The following SNX16 variants were observed in gnomAD, a reference collection of about 807,000 sequenced individuals.
SNX16 encodes sorting nexin 16, also known as sorting nexin-16.
Under a neutral mutation model 36.7 loss-of-function variants are expected in SNX16, and 35 were observed. The observed-to-expected ratio is 0.95, with a 90% confidence interval of 0.73 to 1.27. The LOEUF (loss-of-function observed/expected upper bound fraction) is 1.27, where lower values mean the gene tolerates loss of function less well. Among genes scored for constraint, SNX16 ranks in the 50% most tolerant of loss-of-function variants. SNX16 has a pLI of 0.00. For synonymous variants in SNX16, 134 were observed against 132.0 expected (o/e 1.02, Z -0.10); for missense variants, 367 against 393.6 (o/e 0.93, Z 0.57).
rs750614506 is a variant in SNX16 at position 81,839,838 on chromosome 8, C to A, written c.149G>T (p.Gly50Val). Reference protein sequence around the residue: ...SKGQLEDSNMGNFKQTSVPDQ... With the variant: ...SKGQLEDSNMVNFKQTSVPDQ... ...AGGAACACTTGTCTGTTTAAAATTA[C>A]CCATATTTGAGTCTTCTAACTGGCC... Residue 50 changes from glycine to valine, a missense_variant, in exon 2 of 8, where the codon GGT becomes GTT. Coordinates refer to ENST00000345957, the MANE Select transcript of SNX16 (RefSeq NM_152836.3). 2.5e-6 allele frequency: 4 copies of A among 1,613,960 alleles called. No individual in the cohort carries two copies. Among genetic ancestry groups the A allele is most frequent in the South Asian group, 2.2e-5 (2 of 91,078 alleles).
rs914419285 is a variant in SNX16, at chr8:81,800,821, T to A, written c.*676A>T. 4 of 152,266 alleles carry A rather than the reference T, an allele frequency of 2.6e-5. No homozygotes were observed. Among genetic ancestry groups the A allele is most frequent in the African/African-American group, 9.7e-5 (4 of 41,438 alleles). The allele number at this position is 152,266 out of a possible 1,614,324, so 9.4% of individuals were successfully genotyped here. Reference sequence around the variant, plus strand: ...TAAACAAATGTAACATATTAATAACTGTGACACTTATTAAAGTATTTTGAT... The same window carrying A: ...TAAACAAATGTAACATATTAATAACAGTGACACTTATTAAAGTATTTTGAT... On this transcript the variant is annotated 3_prime_UTR_variant, in exon 8 of 8. Transcript: ENST00000345957.
At chr8:81,821,942 T>C (rs1810765025) in intron 4 of SNX16, among the ~76,000 whole-genome samples, 1 of 152,158 alleles carries the variant, frequency 6.6e-6, no homozygotes, top group African/African-American at 2.4e-5. Flanking sequence ...AATTAGCCTT[T>C]CTCAACTGAG....
intron 2 of SNX16, among the ~76,000 whole-genome samples, chr8:81,831,611 T>C (rs951644394): frequency 3.3e-5 from 5 of 150,924 alleles, no homozygotes; most frequent in African/African-American, 7.3e-5. Flanking sequence ...GATGGGAGAA[T>C]TGCTTGAACC....
At chr8:81,833,116 T>A (rs1811340719) in intron 2 of SNX16, among the ~76,000 whole-genome samples, 1 of 151,832 alleles carries the variant, frequency 6.6e-6, no homozygotes, top group Admixed American at 6.6e-5. Context: ...AAAATGATAA[T>A]ATTTTGGACA....
At chr8:81,808,240 G>GACTC in intron 5 of SNX16, 1 of 1,224,290 alleles carries the variant, frequency 8.2e-7, no homozygotes, top group East Asian at 2.3e-5. Context: ...TCACGACCAT[G>GACTC]ACTCCATGGA....
At chr8:81,831,920 T>C (rs973037907) in intron 2 of SNX16, among the ~76,000 whole-genome samples, 3 of 152,104 alleles carry the variant, frequency 2.0e-5, no homozygotes, top group Non-Finnish European at 4.4e-5. Context: ...TGACAGATGC[T>C]GGTGATGTTA....
chr8:81,813,678 T>C (rs115643658), intron 5 of SNX16, among the ~76,000 whole-genome samples: 1,588 of 152,030 alleles, frequency 0.01, 28 homozygotes, highest in African/African-American at 0.036. Flanking sequence ...CTACAAATTG[T>C]ATCTCTGATA....
Position 81,799,843 on chromosome 8 carries a change from C to T in SNX16, c.*1654G>A, listed in dbSNP as rs906669143. ...CTGTTATATAAGATACAGAATGGTA[C>T]TGATTAAATGATTGTTCTTTTTAAG... On this transcript the variant is annotated 3_prime_UTR_variant, in exon 8 of 8. Transcript: ENST00000345957. 1 of 151,742 alleles carries T rather than the reference C, an allele frequency of 6.6e-6. No homozygotes were observed. Among genetic ancestry groups the T allele is most frequent in the Non-Finnish European group, 1.5e-5 (1 of 67,784 alleles). 9.4% of individuals were successfully genotyped at this position (151,742 alleles called of 1,614,324 possible).
At chr8:81,826,275 C>A (rs899618565) in intron 3 of SNX16, among the ~76,000 whole-genome samples, 2 of 152,060 alleles carry the variant, frequency 1.3e-5, no homozygotes, top group African/African-American at 4.8e-5. Context: ...AACTGAACTT[C>A]TTTTTAATGT....
intron 5 of SNX16, among the ~76,000 whole-genome samples, chr8:81,806,968 T>A (rs567382821): frequency 2.9e-3 from 437 of 151,968 alleles, no homozygotes; most frequent in South Asian, 4.0e-3. Context: ...AAACCCTCCA[T>A]ATGCAAAGAT....
At chr8:81,813,374 T>TA (rs944743203) in intron 5 of SNX16, among the ~76,000 whole-genome samples, 17 of 149,848 alleles carry the variant, frequency 1.1e-4, no homozygotes, top group African/African-American at 4.2e-4. Context: ...CAAAACGAAC[T>TA]AAAAAAAAAT....
chr8:81,803,593 A>C (rs1304230868), intron 5 of SNX16, among the ~76,000 whole-genome samples: 1 of 152,006 alleles, frequency 6.6e-6, no homozygotes, highest in Non-Finnish European at 1.5e-5. Flanking sequence ...CTAGTCATAC[A>C]TGATTACACT....
chr8:81,816,598 G>A (rs1000256582), intron 4 of SNX16, among the ~76,000 whole-genome samples: 1 of 152,112 alleles, frequency 6.6e-6, no homozygotes, highest in African/African-American at 2.4e-5. Flanking sequence ...ATGTCAGGAG[G>A]TGTCCATGAA....
chr8:81,816,635 A>T (rs1370920832), intron 4 of SNX16, among the ~76,000 whole-genome samples: 1 of 152,198 alleles, frequency 6.6e-6, no homozygotes, highest in Non-Finnish European at 1.5e-5. Flanking sequence ...TACATATCTT[A>T]TTGTATTTAA....
intron 1 of SNX16, chr8:81,841,581 C>G (rs1334285606): frequency 6.6e-6 from 1 of 151,832 alleles, no homozygotes; most frequent in South Asian, 2.1e-4. Context: ...CAATACATAT[C>G]AACACAACCA....
At chr8:81,817,980 A>G (rs1810567375) in intron 4 of SNX16, among the ~76,000 whole-genome samples, 2 of 152,152 alleles carry the variant, frequency 1.3e-5, no homozygotes, top group South Asian at 4.1e-4. Flanking sequence ...CTAAAGGCAG[A>G]TAAGGAAATC....
intron 5 of SNX16, among the ~76,000 whole-genome samples, chr8:81,804,838 C>G (rs1329629126): frequency 6.6e-6 from 1 of 151,938 alleles, no homozygotes; most frequent in Non-Finnish European, 1.5e-5. Flanking sequence ...TTATTAGGCA[C>G]AAAGAGTCTC....
chr8:81,839,563 T>TGTTGTAAAACTGGA, intron 2 of SNX16, 49 bp downstream of exon 2: 1 of 1,506,196 alleles, frequency 6.6e-7, no homozygotes, highest in Non-Finnish European at 8.9e-7. Flanking sequence ...ACACAGAGAT[T>TGTTGTAAAACTGGA]AGCCAATCTT....
rs544765483 is a variant in SNX16, at chr8:81,806,471, C to T, written c.682-3243G>A. 1.4e-4 allele frequency among the ~76,000 whole-genome samples: 21 copies of T among 152,186 alleles called. 1 individual carries two copies. In the East Asian group the frequency reaches 4.1e-3, roughly 29 times the overall value. On this transcript the variant is annotated intron_variant, in intron 5 of 7. Coordinates refer to ENST00000345957, the MANE Select transcript of SNX16 (RefSeq NM_152836.3). ...TCACACACACACACATCCCTACAACCTCTTAGCAAACTAGAAATAGAACTT... is the reference window on the plus strand; with the variant it reads ...TCACACACACACACATCCCTACAACTTCTTAGCAAACTAGAAATAGAACTT...
Sources: gnomAD v4.1 joint callset for allele counts (sites outside exome capture counted in the v4.1 genomes callset) on GRCh38, gnomAD v4.1.1 for gene constraint, MANE v1.5 for transcripts, NCBI Gene and HGNC (gene_info 2026-07-23, HGNC 2026-07-21) for gene names.